Variants in SLC39A6 observed in about 807,000 individuals in gnomAD.
SLC39A6 encodes the protein zinc transporter ZIP6.
In SLC39A6, 51 loss-of-function variants were observed where a neutral mutation model predicts 63.5. The ratio of observed to expected loss-of-function variants is 0.80; its 90% CI spans 0.64 to 1.01. The LOEUF (loss-of-function observed/expected upper bound fraction) is 1.01, where lower values mean the gene tolerates loss of function less well. SLC39A6 is among the 50% of genes least tolerant of loss of function. The pLI is 0.00. For synonymous variants in SLC39A6, 318 were observed against 324.7 expected (o/e 0.98, Z 0.22); for missense variants, 805 against 927.8 (o/e 0.87, Z 1.72).
intron 4 of SLC39A6, 27 bp downstream of exon 4, chr18:36,123,468 A>T (rs751315808): frequency 6.4e-7 from 1 of 1,559,156 alleles, no homozygotes. Flanking sequence ...ATAATCAAAC[A>T]CTAACAGGAC....
intron 1 of SLC39A6, among the ~76,000 whole-genome samples, chr18:36,128,422 T>C (rs1232356917): frequency 1.4e-4 from 22 of 152,250 alleles, no homozygotes; most frequent in Admixed American, 1.3e-3. Context: ...CATGAAGGAA[T>C]GTATATTACA....
chr18:36,124,147 T>G (rs919848960), intron 3 of SLC39A6, among the ~76,000 whole-genome samples: 2 of 152,156 alleles, frequency 1.3e-5, no homozygotes, highest in Non-Finnish European at 2.9e-5. Flanking sequence ...CCCTACGCTA[T>G]AGCAGAGCCT....
intron 1 of SLC39A6, among the ~76,000 whole-genome samples, chr18:36,128,778 T>G (rs571983827): frequency 2.0e-5 from 3 of 152,076 alleles, no homozygotes; most frequent in African/African-American, 7.2e-5. Flanking sequence ...AAAAGGCGAG[T>G]ACAGAAAACG....
rs2089322995 is a variant in SLC39A6, at chr18:36,114,044, T to C, written c.1843+53A>G. 14 of 1,520,194 alleles carry C rather than the reference T, an allele frequency of 9.2e-6. No individual in the cohort carries two copies. In the South Asian group the frequency reaches 1.9e-4, roughly 20 times the overall value. 94.2% of individuals were successfully genotyped at this position (1,520,194 alleles called of 1,614,324 possible). A position where few individuals can be genotyped will look rare whatever the true frequency, so the allele number is the denominator to read the frequency against. ...CTTTGTTAAAATTTGACTAGGTGTT[T>C]AATGTGACATTTTCAGAATCAATCA... is the stretch of plus-strand genomic sequence containing the variant. On this transcript the variant is annotated intron_variant, in intron 7 of 9. Coordinates refer to ENST00000269187, the MANE Select transcript of SLC39A6 (RefSeq NM_012319.4).
At position 36,122,042 on chromosome 18, in the gene SLC39A6, T is replaced by C; in HGVS notation, c.1359+10A>G. ...GAAGCATAGTAAGTACTCGGTATAC[T>C]TTTTCTTACCTTTTTCTTCTTATCT... On this transcript the variant is annotated intron_variant, in intron 5 of 9. Coordinates refer to ENST00000269187, the MANE Select transcript of SLC39A6 (RefSeq NM_012319.4). 6.3e-7 allele frequency: 1 copy of C among 1,580,768 alleles called. No homozygotes were observed. Among genetic ancestry groups the C allele is most frequent in the Non-Finnish European group, 8.7e-7 (1 of 1,152,846 alleles).
At chr18:36,126,178 A>T in intron 2 of SLC39A6, 41 bp downstream of exon 2, 1 of 1,530,314 alleles carries the variant, frequency 6.5e-7, no homozygotes, top group South Asian at 1.1e-5. Context: ...GACAGGACAG[A>T]CACACAGGTA....
In SLC39A6 at chr18:36,122,218, A is replaced by G; in HGVS notation, c.1193T>C (p.Met398Thr). ...ATGACTGAAAAGTGGTCCTCTTTTCATTTCCATTGCTGGTTCTTCATGGCT... is the reference window on the plus strand; with the variant it reads ...ATGACTGAAAAGTGGTCCTCTTTTCGTTTCCATTGCTGGTTCTTCATGGCT... Reference protein sequence around the residue: ...SHSHEEPAMEMKRGPLFSHLS... With the variant: ...SHSHEEPAMETKRGPLFSHLS... The change falls in exon 5 of 10, where the codon ATG becomes ACG. Residue 398 changes from methionine (M) to threonine (T), a missense_variant. Transcript: ENST00000269187. The G allele has an allele frequency of 6.2e-7, 1 of 1,614,106 alleles. No homozygotes were observed. Among genetic ancestry groups the G allele is most frequent in the Non-Finnish European group, 8.5e-7 (1 of 1,179,986 alleles).
intron 5 of SLC39A6, among the ~76,000 whole-genome samples, chr18:36,119,268 C>T (rs1188875830): frequency 6.6e-6 from 1 of 151,926 alleles, no homozygotes; most frequent in Non-Finnish European, 1.5e-5. Flanking sequence ...CAGCATATTC[C>T]AAAAAGGGAA....
Position 36,126,625 on chromosome 18 carries a change from T to C in SLC39A6, c.383A>G (p.His128Arg). The change falls in exon 2 of 10, where the codon CAT becomes CGT. Residue 128 changes from histidine (H) to arginine (R), a missense_variant. His to Arg is a conservative substitution (Grantham distance 29). This residue lies in a region of SLC39A6 where 639 missense variants were observed against 644.0 expected (regional missense o/e 0.99). Coordinates refer to ENST00000269187, the MANE Select transcript of SLC39A6 (RefSeq NM_012319.4). ...AGCAGCATGATTATGGTGAGAGTGA[T>C]GATCATGGTCAGAGTGATGCTCGTG... ...SEHEHHSDHD[H>R]HSHHNHAASG... is the part of the protein sequence containing the mutation. 1 of 1,614,072 alleles carries C rather than the reference T, an allele frequency of 6.2e-7. No homozygotes were observed. Among genetic ancestry groups the C allele is most frequent in the Non-Finnish European group, 8.5e-7 (1 of 1,179,932 alleles).
At chr18:36,125,311 A>C (rs1301063513) in intron 2 of SLC39A6, among the ~76,000 whole-genome samples, 1 of 151,398 alleles carries the variant, frequency 6.6e-6, no homozygotes, top group Non-Finnish European at 1.5e-5. Flanking sequence ...ACTTAGTTTG[A>C]AGATACTCCT....
At chr18:36,119,100 T>C (rs2089370420) in intron 5 of SLC39A6, among the ~76,000 whole-genome samples, 1 of 152,214 alleles carries the variant, frequency 6.6e-6, no homozygotes, top group Admixed American at 6.5e-5. Flanking sequence ...AGGATGGATC[T>C]CTTAAGAAAA....
chr18:36,111,235 G>A lies in SLC39A6; in HGVS notation c.1939C>T (p.Leu647=), dbSNP rs1303938873. ...TTAACGGTCATGCCAGCCTTTAGTA[G>A]AACAGCAAAGTCACCTTTAACAGAA... ...LPHELGDFAV[L]LKAGMTVKQA... The change falls in exon 9 of 10, where the codon CTA becomes TTA. Residue 647 remains leucine, a synonymous_variant. Transcript: ENST00000269187. 2 of 1,613,690 alleles carry A rather than the reference G, an allele frequency of 1.2e-6. No homozygotes were observed. Among genetic ancestry groups the A allele is most frequent in the Non-Finnish European group, 1.7e-6 (2 of 1,179,840 alleles).
At chr18:36,120,851 T>C (rs950540762) in intron 5 of SLC39A6, among the ~76,000 whole-genome samples, 5 of 152,172 alleles carry the variant, frequency 3.3e-5, no homozygotes, top group African/African-American at 4.8e-5. Flanking sequence ...AAAGGCAAGG[T>C]GCTAAAAAAA....
At position 36,123,591 on chromosome 18, in the gene SLC39A6, G is replaced by C; in HGVS notation, c.1044C>G (p.Leu348=). 1.2e-6 allele frequency: 2 copies of C among 1,613,856 alleles called. No individual in the cohort carries two copies. Among genetic ancestry groups the C allele is most frequent in the African/African-American group, 1.3e-5 (1 of 74,994 alleles). Residue 348 remains leucine, a synonymous_variant, in exon 4 of 10, where the codon CTC becomes CTG. Coordinates refer to ENST00000269187, the MANE Select transcript of SLC39A6 (RefSeq NM_012319.4). Reference sequence around the variant, plus strand: ...GAAATTTGAAAAACACCCGATTCATGAGAGGCACTAAGATAACCCCCAGCA... The same window carrying C: ...GAAATTTGAAAAACACCCGATTCATCAGAGGCACTAAGATAACCCCCAGCA... ...LSLLGVILVP[L]MNRVFFKFLL...
chr18:36,114,115 T>C lies in SLC39A6; in HGVS notation c.1825A>G (p.Ser609Gly). ...VIMGDGLHNFSDGLAIGAAFT... is the reference protein window; with the variant it reads ...VIMGDGLHNFGDGLAIGAAFT... ...TATATACCAATTGCTAGGCCATCGCTGAAATTGTGCAGGCCATCACCCATT... is the reference window on the plus strand; with the variant it reads ...TATATACCAATTGCTAGGCCATCGCCGAAATTGTGCAGGCCATCACCCATT... Residue 609 changes from serine to glycine, a missense_variant, in exon 7 of 10, where the codon AGC becomes GGC. Physicochemically the swap from Ser to Gly is moderately conservative, Grantham distance 56 (BLOSUM62 0). Around this residue, in one of 4 missense-constraint regions of SLC39A6, gnomAD observed 145 missense variants for 227.2 expected, o/e 0.64. Transcript: ENST00000269187. The C allele has an allele frequency of 6.2e-7, 1 of 1,602,518 alleles. No individual in the cohort carries two copies. The highest frequency in any genetic ancestry group is 1.1e-5 in the South Asian group (1 of 90,182).
chr18:36,121,048 C>T (rs1194088313), intron 5 of SLC39A6, among the ~76,000 whole-genome samples: 1 of 151,928 alleles, frequency 6.6e-6, no homozygotes, highest in Non-Finnish European at 1.5e-5. Context: ...GAATACGGAA[C>T]TCCAACTTGA....
chr18:36,121,377 G>C (rs553477198), intron 5 of SLC39A6, among the ~76,000 whole-genome samples: 10 of 152,044 alleles, frequency 6.6e-5, no homozygotes, highest in Admixed American at 6.6e-4. Flanking sequence ...GGCTGGTCTC[G>C]AACTCCTGGC....
At chr18:36,121,966 G>T in intron 5 of SLC39A6, 86 bp downstream of exon 5, 1 of 956,550 alleles carries the variant, frequency 1.0e-6, no homozygotes, top group Non-Finnish European at 1.6e-6. Context: ...CATACAACCT[G>T]GGCATGCTAT....
chr18:36,118,050 AAC>A (rs1364447315), intron 5 of SLC39A6, among the ~76,000 whole-genome samples: 1 of 152,016 alleles, frequency 6.6e-6, no homozygotes, highest in Non-Finnish European at 1.5e-5. Context: ...AAAAAAGGCA[AAC>A]ACACACACAA....
Sources: allele counts gnomAD v4.1 joint callset (sites outside exome capture counted in the v4.1 genomes callset), GRCh38; gene constraint gnomAD v4.1.1; regional missense constraint gnomAD v4.1.1; transcripts MANE v1.5; gene names NCBI Gene and HGNC (gene_info 2026-07-23, HGNC 2026-07-21).